The following SNX19 variants were observed in gnomAD, a reference collection of about 807,000 sequenced individuals.
SNX19 encodes sorting nexin 19, also known as sorting nexin-19.
SNX19 carries 60 observed loss-of-function variants against 85.2 expected under a neutral mutation model. The observed-to-expected ratio is 0.70, with a 90% CI of 0.57 to 0.87. The LOEUF (loss-of-function observed/expected upper bound fraction) is 0.87, where lower values mean the gene tolerates loss of function less well. SNX19 is among the 40% of genes least tolerant of loss of function. SNX19 has a pLI of 0.00. For synonymous variants in SNX19, 520 were observed against 470.0 expected, an observed-to-expected ratio of 1.11 and a Z score of -1.38; for missense variants, 1,201 against 1,217.8, an observed-to-expected ratio of 0.99 and a Z score of 0.21.
chr11:130,893,025 G>C (rs113655458), intron 8 of SNX19: 5,318 of 152,026 alleles, frequency 0.035, 327 homozygotes, highest in African/African-American at 0.12. Flanking sequence ...CAGGAAGAAA[G>C]GCAAGACACA....
chr11:130,891,953 G>A (rs2135331712), intron 8 of SNX19, among the ~76,000 whole-genome samples: 1 of 149,560 alleles, frequency 6.7e-6, no homozygotes, highest in South Asian at 2.1e-4. Flanking sequence ...TGATTCTCTT[G>A]CCTCAGCCTC....
rs768007840 is a variant in SNX19, at chr11:130,914,900, C to G, written c.1040G>C (p.Arg347Thr). 3.1e-6 allele frequency: 5 copies of G among 1,614,126 alleles called. No individual in the cohort carries two copies. In the East Asian group the frequency reaches 1.1e-4, roughly 36 times the overall value. Residue 347 changes from arginine (R) to threonine (T), a missense_variant, in exon 1 of 11, where the codon AGA becomes ACA. Physicochemically the swap from Arg to Thr is moderately conservative, Grantham distance 71 (BLOSUM62 -1). Transcript: ENST00000265909. ...ATGAGATGAGTTGTTTCCTACTTTT[C>G]TTTCTTCACACATCCCACCCAAATC... ...EGDLGGMCEERKVGNNSSHFL... is the reference protein window; with the variant it reads ...EGDLGGMCEETKVGNNSSHFL...
At chr11:130,912,690 G>A (rs1185825649) in intron 1 of SNX19, among the ~76,000 whole-genome samples, 1 of 152,152 alleles carries the variant, frequency 6.6e-6, no homozygotes, top group Non-Finnish European at 1.5e-5. Flanking sequence ...TTCATTATGA[G>A]CTGATGTGAG....
intron 8 of SNX19, chr11:130,881,174 C>T (rs1943639958): frequency 6.1e-6 from 1 of 164,896 alleles, no homozygotes; most frequent in Non-Finnish European, 1.3e-5. Context: ...ATAAGCCATT[C>T]AGTTTATGGT....
intron 8 of SNX19, among the ~76,000 whole-genome samples, chr11:130,900,962 C>T (rs1051485938): frequency 2.0e-5 from 3 of 152,174 alleles, no homozygotes; most frequent in African/African-American, 7.2e-5. Context: ...TAATGAGTAC[C>T]TACTATGTCC....
At chr11:130,881,335 C>T (rs61910788) in intron 8 of SNX19, among the ~76,000 whole-genome samples, 2,318 of 152,226 alleles carry the variant, frequency 0.015, 22 homozygotes, top group Middle Eastern at 0.034. Flanking sequence ...CAATAAGAAT[C>T]GTGTTATTTA....
Position 130,866,276 on chromosome 11 carries a change from A to AT in SNX19, c.*12145dup, listed in dbSNP as rs1942759014. On this transcript the variant is annotated 3_prime_UTR_variant, in exon 11 of 11. Coordinates refer to ENST00000265909, the MANE Select transcript of SNX19 (RefSeq NM_014758.3). Reference sequence around the variant, plus strand: ...ACATTTGTGTATCTATTTACTAAGCATTTTTTATGTGCAGGAGAGAGTACA... The same window carrying AT: ...ACATTTGTGTATCTATTTACTAAGCATTTTTTTATGTGCAGGAGAGAGTACA... 6.6e-6 allele frequency: 1 copy of AT among 152,174 alleles called. No individual in the cohort carries two copies. Among genetic ancestry groups the AT allele is most frequent in the South Asian group, 2.1e-4 (1 of 4,832 alleles). 9.4% of individuals were successfully genotyped at this position (152,174 alleles called of 1,614,324 possible).
intron 5 of SNX19, 113 bp downstream of exon 5, chr11:130,907,840 G>T: frequency 6.6e-7 from 1 of 1,505,800 alleles, no homozygotes; most frequent in Admixed American, 2.0e-5. Context: ...AAACTGGTAT[G>T]TCTGACCCAC....
Position 130,872,676 on chromosome 11 carries a change from T to C in SNX19, c.*5746A>G, listed in dbSNP as rs550567202. 3.3e-5 allele frequency among the ~76,000 whole-genome samples: 5 copies of C among 152,296 alleles called. No individual in the cohort carries two copies. The highest frequency in any genetic ancestry group is 7.3e-5 in the Non-Finnish European group (5 of 68,036). On this transcript the variant is annotated 3_prime_UTR_variant, in exon 11 of 11. Coordinates refer to ENST00000265909, the MANE Select transcript of SNX19 (RefSeq NM_014758.3). ...AAGGCAGGGTGAGCGACTGCTGCCC[T>C]GTGATTTCTGGCACTCCCAGTGGAA...
At chr11:130,911,897 T>C (rs1946159929) in intron 1 of SNX19, 126 bp from the exon 2 acceptor site, 2 of 904,196 alleles carry the variant, frequency 2.2e-6, no homozygotes, top group African/African-American at 3.3e-5. Flanking sequence ...AGGGAGGGAG[T>C]ATGTTCCTAT....
At chr11:130,908,716 C>T (rs979146384) in intron 4 of SNX19, among the ~76,000 whole-genome samples, 2 of 152,082 alleles carry the variant, frequency 1.3e-5, no homozygotes, top group African/African-American at 4.8e-5. Context: ...CATACAAGAC[C>T]AAATAAAATA....
intron 2 of SNX19, 85 bp downstream of exon 2, chr11:130,911,548 C>A: frequency 1.9e-6 from 3 of 1,585,512 alleles, no homozygotes; most frequent in Non-Finnish European, 2.6e-6. Flanking sequence ...TTCTCCTCCC[C>A]GATCCCTCCC....
chr11:130,878,304 C>G lies in SNX19; in HGVS notation c.*118G>C. 8.2e-7 allele frequency: 1 copy of G among 1,219,724 alleles called. No individual in the cohort carries two copies. Among genetic ancestry groups the G allele is most frequent in the East Asian group, 2.4e-5 (1 of 41,946 alleles). The allele number at this position is 1,219,724 out of a possible 1,614,324, so 75.6% of individuals were successfully genotyped here. On this transcript the variant is annotated 3_prime_UTR_variant, in exon 11 of 11. Coordinates refer to ENST00000265909, the MANE Select transcript of SNX19 (RefSeq NM_014758.3). ...CAGAAGTGGGAGAGAAGTGAGCCACCGAGAACCTAGGCCTTCTTAGCTGTA... is the reference window on the plus strand; with the variant it reads ...CAGAAGTGGGAGAGAAGTGAGCCACGGAGAACCTAGGCCTTCTTAGCTGTA...
chr11:130,915,742 G>T lies in SNX19; in HGVS notation c.198C>A (p.Gly66=). 1.2e-6 allele frequency: 2 copies of T among 1,614,212 alleles called. No individual in the cohort carries two copies. The highest frequency in any genetic ancestry group is 1.7e-6 in the Non-Finnish European group (2 of 1,180,052). ...ALLVVLGGWL[G]SSLAGVASGR... ...CTGAAGCCACTCCAGCGAGGCTGGA[G>T]CCCAGCCATCCTCCCAGCACCACTA... Residue 66 remains glycine, a synonymous_variant, in exon 1 of 11, where the codon GGC becomes GGA. Coordinates refer to ENST00000265909, the MANE Select transcript of SNX19 (RefSeq NM_014758.3).
chr11:130,906,131 C>T lies in SNX19; in HGVS notation c.2265G>A (p.Glu755=). ...ILYCLQEGNV[E]SETLSMSAME... is the part of the protein sequence containing the mutation. The stretch of plus-strand genomic sequence containing the variant: ...TCGCAGACATGGATAGAGTCTCAGA[C>T]TCCTAAGAAATAGTCAGTGGCATAT... Residue 755 remains glutamate (E), a splice_region_variant and synonymous_variant, in exon 7 of 11, where the codon GAG becomes GAA. Transcript: ENST00000265909. 6.2e-7 allele frequency: 1 copy of T among 1,613,408 alleles called. No homozygotes were observed. Among genetic ancestry groups the T allele is most frequent in the Non-Finnish European group, 8.5e-7 (1 of 1,179,688 alleles).
intron 7 of SNX19, 78 bp downstream of exon 7, chr11:130,905,875 A>G (rs1945625343): frequency 1.2e-6 from 2 of 1,610,486 alleles, no homozygotes; most frequent in East Asian, 4.5e-5. Flanking sequence ...TCAAAGTTAC[A>G]AACTCCAACT....
intron 8 of SNX19, among the ~76,000 whole-genome samples, chr11:130,883,846 C>T (rs563732100): frequency 2.0e-5 from 3 of 152,276 alleles, no homozygotes; most frequent in African/African-American, 7.2e-5. Flanking sequence ...GGAAGGAAAA[C>T]ATGATAAAGA....
In SNX19 at chr11:130,916,168, T is replaced by C; in HGVS notation, c.-229A>G. ...AGCCCTCCAACTCGCCCCTTCCAGC[T>C]GAGGTGTGGCTTTGGAGGAAAACTC... On this transcript the variant is annotated 5_prime_UTR_variant, in exon 1 of 11. Transcript: ENST00000265909. 1.8e-6 allele frequency: 1 copy of C among 566,784 alleles called. No homozygotes were observed. Among genetic ancestry groups the C allele is most frequent in the Non-Finnish European group, 3.1e-6 (1 of 318,360 alleles). The allele number at this position is 566,784 out of a possible 1,614,324, so 35.1% of individuals were successfully genotyped here.
At chr11:130,903,652 A>G (rs1945420209) in intron 7 of SNX19, among the ~76,000 whole-genome samples, 1 of 151,316 alleles carries the variant, frequency 6.6e-6, no homozygotes, top group Non-Finnish European at 1.5e-5. Context: ...TATATCTTCT[A>G]ATTATATATA....
Sources: gnomAD v4.1 joint callset for allele counts (sites outside exome capture counted in the v4.1 genomes callset) on GRCh38, gnomAD v4.1.1 for gene constraint, MANE v1.5 for transcripts, NCBI Gene and HGNC (gene_info 2026-07-23, HGNC 2026-07-21) for gene names.